SLC7A14: variants seen among roughly 807,000 people sequenced by gnomAD.
SLC7A14 encodes gamma-aminobutyric acid transporter SLC7A14.
In SLC7A14, 37 loss-of-function variants were observed where a neutral mutation model predicts 60.2. That is an observed-to-expected ratio of 0.61 (90% CI 0.47 to 0.81). The LOEUF is 0.81. SLC7A14 is among the 30% of genes least tolerant of loss of function. SLC7A14 has a pLI of 0.00. For missense variants in SLC7A14, 886 were observed against 982.7 expected (o/e 0.90, Z 1.32); for synonymous variants, 399 against 395.8 (o/e 1.01, Z -0.10).
chr3:170,541,524 A>T (rs1220789335), intron 1 of SLC7A14, among the ~76,000 whole-genome samples: 1 of 152,178 alleles, frequency 6.6e-6, no homozygotes, highest in Non-Finnish European at 1.5e-5. Context: ...TGAGCCCAGG[A>T]GTTTGAGGCT....
At chr3:170,582,344 C>T (rs1282419290) in intron 1 of SLC7A14, among the ~76,000 whole-genome samples, 1 of 152,108 alleles carries the variant, frequency 6.6e-6, no homozygotes, top group African/African-American at 2.4e-5. Context: ...CTGATATCTG[C>T]CCTGTCCAAC....
chr3:170,510,717 T>A (rs1466216431), intron 2 of SLC7A14, among the ~76,000 whole-genome samples: 1 of 152,208 alleles, frequency 6.6e-6, no homozygotes, highest in Admixed American at 6.5e-5. Context: ...TGGCCCAGAT[T>A]GGTCCTTCTT....
intron 2 of SLC7A14, among the ~76,000 whole-genome samples, chr3:170,515,444 G>A (rs1713126647): frequency 6.6e-6 from 1 of 152,052 alleles, no homozygotes; most frequent in South Asian, 2.1e-4. Flanking sequence ...TAAAGCTGAA[G>A]GATCCATATC....
chr3:170,552,275 A>G (rs1011318240), intron 1 of SLC7A14, among the ~76,000 whole-genome samples: 2 of 152,190 alleles, frequency 1.3e-5, no homozygotes, highest in African/African-American at 4.8e-5. Context: ...TTACATTAAT[A>G]AGTTTAATAA....
At chr3:170,470,308 A>ATTGTGTGTGTG (rs372412774) in intron 7 of SLC7A14, among the ~76,000 whole-genome samples, 1 of 143,594 alleles carries the variant, frequency 7.0e-6, no homozygotes, top group Non-Finnish European at 1.5e-5. Context: ...TGGAAGGAAC[A>ATTGTGTGTGTG]TGTGTGTGTG....
At position 170,467,358 on chromosome 3, in the gene SLC7A14, T is replaced by A; in HGVS notation, c.2013A>T (p.Gly671=). 6.2e-7 allele frequency: 1 copy of A among 1,602,110 alleles called. No individual in the cohort carries two copies. Among genetic ancestry groups the A allele is most frequent in the South Asian group, 1.1e-5 (1 of 89,600 alleles). Reference sequence around the variant, plus strand: ...CCAGGGTGCTGTTCCAGATGCCATATCCAAAATAAATGAGCAGACCTGTGG... The same window carrying A: ...CCAGGGTGCTGTTCCAGATGCCATAACCAAAATAAATGAGCAGACCTGTGG... The part of the protein sequence containing the change: ...WCFVGLLIYF[G]YGIWNSTLEI... Residue 671 remains glycine, a synonymous_variant, in exon 8 of 8, where the codon GGA becomes GGT. Transcript: ENST00000231706.
chr3:170,567,331 C>T (rs1008681442), intron 1 of SLC7A14, among the ~76,000 whole-genome samples: 3 of 151,372 alleles, frequency 2.0e-5, no homozygotes, highest in Admixed American at 6.6e-5. Context: ...CTACAAAGGA[C>T]ATGAACTCAT....
In SLC7A14 at chr3:170,498,695, C is replaced by T; in HGVS notation, c.731G>A (p.Gly244Asp). ...TGACCAGCCGTGGGGCAAGAACTGG[C>T]CCTCCGCCCAGTATTTCCCATTGAT... ...FFINGKYWAEGQFLPHGWSGV... is the reference protein window; with the variant it reads ...FFINGKYWAEDQFLPHGWSGV... The change falls in exon 4 of 8, where the codon GGC becomes GAC. Residue 244 changes from glycine (G) to aspartate (D), a missense_variant. Coordinates refer to ENST00000231706, the MANE Select transcript of SLC7A14 (RefSeq NM_020949.3). 1 of 1,614,126 alleles carries T rather than the reference C, an allele frequency of 6.2e-7. No homozygotes were observed. The highest frequency in any genetic ancestry group is 1.1e-5 in the South Asian group (1 of 91,082).
intron 7 of SLC7A14, among the ~76,000 whole-genome samples, chr3:170,470,723 AAGGG>A (rs1382361509): frequency 6.6e-6 from 1 of 150,792 alleles, no homozygotes; most frequent in East Asian, 2.0e-4. Context: ...GGAACAGATG[AAGGG>A]AGGGAGGGAG....
rs113114531 is a variant in SLC7A14 at position 170,549,214 on chromosome 3, C to CTTTTT, written c.-152-22131_-152-22127dup. Among the ~76,000 whole-genome samples, 23 of 129,488 alleles carry CTTTTT rather than the reference C, an allele frequency of 1.8e-4. 1 individual carries two copies. Among genetic ancestry groups the CTTTTT allele is most frequent in the African/African-American group, 4.8e-4 (16 of 33,594 alleles). The allele number at this position is 129,488 out of a possible 152,430, so 84.9% of individuals were successfully genotyped here. Reference sequence around the variant, plus strand: ...TCCAGACTGGGACACCGGCCTTCTTCTTTTTTTTTTTTTTTTTTTGAGACG... The same window carrying CTTTTT: ...TCCAGACTGGGACACCGGCCTTCTTCTTTTTTTTTTTTTTTTTTTTTTTTGAGACG... On this transcript the variant is annotated intron_variant, in intron 1 of 7. Coordinates refer to ENST00000231706, the MANE Select transcript of SLC7A14 (RefSeq NM_020949.3).
chr3:170,573,685 C>T (rs1715009971), intron 1 of SLC7A14, among the ~76,000 whole-genome samples: 1 of 152,162 alleles, frequency 6.6e-6, no homozygotes, highest in African/African-American at 2.4e-5. Context: ...TCACCACTAG[C>T]GAAACAGAGA....
chr3:170,497,102 AAAAAAAAAG>A (rs1269250603), intron 4 of SLC7A14, among the ~76,000 whole-genome samples: 1 of 147,824 alleles, frequency 6.8e-6, no homozygotes, highest in Non-Finnish European at 1.5e-5. Flanking sequence ...AAAAAAAAAA[AAAAAAAAAG>A]AAAGAAAGAA....
intron 3 of SLC7A14, 116 bp downstream of exon 3, chr3:170,500,993 G>T: frequency 1.2e-6 from 1 of 868,286 alleles, no homozygotes. Context: ...AAAAGAAAAA[G>T]AGAGATATAT....
At chr3:170,496,106 G>T in intron 4 of SLC7A14, 1 of 1,112,370 alleles carries the variant, frequency 9.0e-7, no homozygotes. Flanking sequence ...ACTTCCTCAG[G>T]CAACTGCATG....
At chr3:170,502,677 T>C (rs1712653013) in intron 2 of SLC7A14, 1 of 152,224 alleles carries the variant, frequency 6.6e-6, no homozygotes, top group African/African-American at 2.4e-5. Context: ...TTCACTCTTT[T>C]GTGAATAAAG....
intron 6 of SLC7A14, among the ~76,000 whole-genome samples, chr3:170,481,658 C>A (rs1577500815): frequency 6.6e-6 from 1 of 152,240 alleles, no homozygotes; most frequent in East Asian, 1.9e-4. Flanking sequence ...CCTCAGCCTC[C>A]CAGAGTGTTG....
At chr3:170,551,592 T>A (rs866008300) in intron 1 of SLC7A14, among the ~76,000 whole-genome samples, 10 of 152,244 alleles carry the variant, frequency 6.6e-5, no homozygotes, top group Non-Finnish European at 1.0e-4. Context: ...ATTACAACCA[T>A]CCTAAAGGGT....
At chr3:170,568,571 A>T (rs930358790) in intron 1 of SLC7A14, among the ~76,000 whole-genome samples, 3 of 152,124 alleles carry the variant, frequency 2.0e-5, no homozygotes, top group African/African-American at 7.2e-5. Context: ...CTTGATGGGG[A>T]TGGCATTGAA....
intron 1 of SLC7A14, among the ~76,000 whole-genome samples, chr3:170,565,917 A>AG (rs1714775597): frequency 6.6e-6 from 1 of 152,190 alleles, no homozygotes; most frequent in Non-Finnish European, 1.5e-5. Flanking sequence ...GCATGCCCTT[A>AG]GGAGCTTTGG....
Sources: gnomAD v4.1 joint callset for allele counts (sites outside exome capture counted in the v4.1 genomes callset) on GRCh38, gnomAD v4.1.1 for gene constraint, MANE v1.5 for transcripts, NCBI Gene and HGNC (gene_info 2026-07-23, HGNC 2026-07-21) for gene names.